Variants in CADM2 observed in about 807,000 individuals in gnomAD.
CADM2 encodes the protein cell adhesion molecule 2.
A neutral mutation model predicts 49.8 loss-of-function variants in CADM2; 12 were observed. That is an observed-to-expected ratio of 0.24 (90% CI 0.15 to 0.39). CADM2 has a LOEUF of 0.39. Among genes scored for constraint, CADM2 ranks in the 10% least tolerant of loss-of-function variants. The pLI is 1.00. For synonymous variants in CADM2, 214 were observed against 175.4 expected (o/e 1.22, Z -1.74); for missense variants, 378 against 492.3 (o/e 0.77, Z 2.20).
At chr3:85,011,677 G>A (rs73139669) in intron 1 of CADM2, among the ~76,000 whole-genome samples, 7,480 of 151,898 alleles carry the variant, frequency 0.049, 228 homozygotes, top group Admixed American at 0.09. Context: ...CAGGAGGATC[G>A]CTCGAGCTCA....
At chr3:86,007,975 T>G (rs911870133) in intron 8 of CADM2, among the ~76,000 whole-genome samples, 1 of 152,196 alleles carries the variant, frequency 6.6e-6, no homozygotes, top group Non-Finnish European at 1.5e-5. Flanking sequence ...GAAAATTTTT[T>G]AAGTATAGCT....
At chr3:85,677,468 G>A (rs1299446102) in intron 1 of CADM2, among the ~76,000 whole-genome samples, 2 of 152,002 alleles carry the variant, frequency 1.3e-5, no homozygotes, top group Non-Finnish European at 2.9e-5. Flanking sequence ...ATAGAATCAA[G>A]TATTTATTTG....
intron 1 of CADM2, among the ~76,000 whole-genome samples, chr3:85,581,311 A>G (rs900955264): frequency 1.3e-5 from 2 of 152,100 alleles, no homozygotes; most frequent in African/African-American, 4.8e-5. Flanking sequence ...TTGAGGAAGA[A>G]GCTAATGTCT....
chr3:85,210,045 A>G (rs1326028250), intron 1 of CADM2, among the ~76,000 whole-genome samples: 1 of 152,210 alleles, frequency 6.6e-6, no homozygotes, highest in Non-Finnish European at 1.5e-5. Context: ...TCAGATAAGA[A>G]AAGTCTAGCA....
chr3:86,061,871 C>T (rs1738689922), intron 8 of CADM2, among the ~76,000 whole-genome samples: 2 of 151,036 alleles, frequency 1.3e-5, no homozygotes, highest in Admixed American at 1.3e-4. Context: ...TTCATTAATC[C>T]AAAACATTTA....
chr3:85,127,487 C>T (rs576161700), intron 1 of CADM2, among the ~76,000 whole-genome samples: 28 of 152,274 alleles, frequency 1.8e-4, no homozygotes, highest in African/African-American at 5.5e-4. Context: ...TGGCTTTGCC[C>T]GTTTCTGACA....
At chr3:85,873,257 T>G (rs1327608915) in intron 3 of CADM2, among the ~76,000 whole-genome samples, 2 of 152,176 alleles carry the variant, frequency 1.3e-5, no homozygotes, top group African/African-American at 2.4e-5. Context: ...CTACTAAATG[T>G]TAACATGTAA....
chr3:85,479,607 C>T (rs1340691009), intron 1 of CADM2, among the ~76,000 whole-genome samples: 1 of 151,912 alleles, frequency 6.6e-6, no homozygotes, highest in Non-Finnish European at 1.5e-5. Context: ...TTCAATGCAT[C>T]TCCACCACTT....
intron 1 of CADM2, among the ~76,000 whole-genome samples, chr3:85,195,042 C>T (rs1383235467): frequency 2.0e-5 from 3 of 152,032 alleles, no homozygotes; most frequent in East Asian, 3.9e-4. Flanking sequence ...GTGGTCCTGA[C>T]GAAACCTGAA....
intron 6 of CADM2, among the ~76,000 whole-genome samples, chr3:85,928,592 A>G (rs1241293762): frequency 6.6e-6 from 1 of 152,208 alleles, no homozygotes; most frequent in African/African-American, 2.4e-5. Flanking sequence ...GGCTTTCCAC[A>G]TTTAAACATT....
At chr3:85,707,149 T>A (rs575671355) in intron 1 of CADM2, among the ~76,000 whole-genome samples, 249 of 152,074 alleles carry the variant, frequency 1.6e-3, no homozygotes, top group African/African-American at 5.6e-3. Context: ...ATACTGTATA[T>A]GTTTTATATT....
At position 84,959,512 on chromosome 3, in the gene CADM2, G is replaced by T. The variant is rs1575919662; in HGVS notation, c.-96G>T. 2.3e-5 allele frequency: 28 copies of T among 1,228,728 alleles called. No homozygotes were observed. The East Asian group carries it at 7.1e-4, about 31-fold the overall frequency. The allele number at this position is 1,228,728 out of a possible 1,614,324, so 76.1% of individuals were successfully genotyped here. ...GGGACGGTGGGTCCGGCGGGCGCCG[G>T]GAGGAGGACACCAGCGGAGCCCTGC... On this transcript the variant is annotated 5_prime_UTR_variant, in exon 1 of 10. Transcript: ENST00000383699.
In CADM2 at chr3:85,957,478, C is replaced by CT. The variant is rs555494952; in HGVS notation, c.792-3988dup. The stretch of plus-strand genomic sequence containing the variant: ...ACAGAAAAAAACAAACTGTTTACTA[C>CT]TTTCTACTTACACATTTACTACAAC... On this transcript the variant is annotated intron_variant, in intron 7 of 9. Coordinates refer to ENST00000383699, the MANE Select transcript of CADM2 (RefSeq NM_001167675.2). 7.9e-5 allele frequency among the ~76,000 whole-genome samples: 12 copies of CT among 151,782 alleles called. No homozygotes were observed. The South Asian group carries it at 1.7e-3, about 21-fold the overall frequency.
intron 1 of CADM2, among the ~76,000 whole-genome samples, chr3:85,377,279 T>G (rs935589752): frequency 2.0e-5 from 3 of 152,110 alleles, no homozygotes; most frequent in African/African-American, 7.2e-5. Context: ...TCATGGTAGC[T>G]GCCTGTGTTC....
At chr3:86,049,678 A>T (rs2107313694) in intron 8 of CADM2, among the ~76,000 whole-genome samples, 1 of 152,196 alleles carries the variant, frequency 6.6e-6, no homozygotes. Context: ...GCATCAGAAG[A>T]CTTACAATCA....
At chr3:85,914,489 C>A (rs1718025357) in intron 6 of CADM2, among the ~76,000 whole-genome samples, 1 of 152,060 alleles carries the variant, frequency 6.6e-6, no homozygotes, top group South Asian at 2.1e-4. Flanking sequence ...TTTAAAGGAC[C>A]AGGATCAACA....
intron 1 of CADM2, among the ~76,000 whole-genome samples, chr3:85,078,628 C>G (rs1323198027): frequency 6.6e-6 from 1 of 151,744 alleles, no homozygotes; most frequent in African/African-American, 2.4e-5. Context: ...TCATAACTTT[C>G]ATTCACAAGA....
At chr3:85,792,469 G>A (rs2071392407) in intron 2 of CADM2, among the ~76,000 whole-genome samples, 1 of 152,204 alleles carries the variant, frequency 6.6e-6, no homozygotes, top group Non-Finnish European at 1.5e-5. Flanking sequence ...AATAGTGAGA[G>A]GACTTAAGTT....
chr3:85,261,727 G>A (rs1488477411), intron 1 of CADM2, among the ~76,000 whole-genome samples: 1 of 152,056 alleles, frequency 6.6e-6, no homozygotes, highest in Admixed American at 6.6e-5. Flanking sequence ...TTTCAAGGGA[G>A]TTTTTAAAGT....
Sources: gnomAD v4.1 joint callset for allele counts (sites outside exome capture counted in the v4.1 genomes callset) on GRCh38, gnomAD v4.1.1 for gene constraint, MANE v1.5 for transcripts, NCBI Gene and HGNC (gene_info 2026-07-23, HGNC 2026-07-21) for gene names.